Variants in SRPK2 observed in about 807,000 individuals in gnomAD.
SRPK2 encodes SFRS protein kinase 2.
SRPK2 carries 21 observed loss-of-function variants against 90.8 expected under a neutral mutation model. The observed-to-expected ratio is 0.23, with a 90% CI of 0.16 to 0.33. The LOEUF (loss-of-function observed/expected upper bound fraction) is 0.33. SRPK2 is among the 10% of genes least tolerant of loss of function. The probability of loss-of-function intolerance (pLI) is 1.00; values close to 1 mark genes in which losing one functional copy is unlikely to be tolerated. For missense variants in SRPK2, 620 were observed against 869.0 expected (o/e 0.71, Z 3.60); for synonymous variants, 288 against 311.1 (o/e 0.93, Z 0.78).
intron 6 of SRPK2, 25 bp downstream of exon 6, chr7:105,167,352 A>G (rs1790208548): frequency 5.7e-6 from 9 of 1,587,580 alleles, no homozygotes; most frequent in Non-Finnish European, 6.9e-6. Flanking sequence ...GTAAAAATAC[A>G]AATAAATCAG....
chr7:105,394,308 A>T (rs1406333687), upstream of SRPK2, among the ~76,000 whole-genome samples: 7 of 152,080 alleles, frequency 4.6e-5, no homozygotes, highest in East Asian at 1.2e-3. Context: ...ATGCCCAGCT[A>T]ATTTTTGTAT....
intron 2 of SRPK2, among the ~76,000 whole-genome samples, chr7:105,253,064 G>A (rs924795116): frequency 6.6e-6 from 1 of 152,098 alleles, no homozygotes; most frequent in South Asian, 2.1e-4. Flanking sequence ...CTTTAAGTTA[G>A]GATTTCTTTA....
At chr7:105,376,244 G>A (rs983275809) in intron 2 of SRPK2, among the ~76,000 whole-genome samples, 50 of 151,592 alleles carry the variant, frequency 3.3e-4, no homozygotes, top group African/African-American at 9.9e-4. Context: ...TGATCCGCCC[G>A]CCTTGGCCTC....
At chr7:105,256,724 C>G (rs1397239630) in intron 2 of SRPK2, among the ~76,000 whole-genome samples, 3 of 152,098 alleles carry the variant, frequency 2.0e-5, no homozygotes, top group Non-Finnish European at 4.4e-5. Flanking sequence ...AAAAAAATCA[C>G]AAGAGCAGGC....
downstream of SRPK2, chr7:105,115,131 C>T (rs1266178611): frequency 6.6e-6 from 1 of 152,064 alleles, no homozygotes; most frequent in Non-Finnish European, 1.5e-5. Flanking sequence ...CATTTTGATT[C>T]CTTGATGAAG....
At chr7:105,190,419 G>C (rs979301554) in intron 3 of SRPK2, among the ~76,000 whole-genome samples, 1 of 152,090 alleles carries the variant, frequency 6.6e-6, no homozygotes, top group African/African-American at 2.4e-5. Flanking sequence ...TTTCTTGTAC[G>C]TGTTCCTTTT....
intron 2 of SRPK2, among the ~76,000 whole-genome samples, chr7:105,355,974 G>A (rs1398305460): frequency 1.3e-5 from 2 of 152,122 alleles, no homozygotes; most frequent in African/African-American, 2.4e-5. Flanking sequence ...CCTGAAACTG[G>A]AAGGCAGAAG....
At chr7:105,389,321 TC>T (rs993748864), upstream of SRPK2, 11 of 1,280,742 alleles carry the variant, frequency 8.6e-6, no homozygotes, top group Non-Finnish European at 1.1e-5. Flanking sequence ...CCACCTCTCT[TC>T]CCGCGGCCTC....
In SRPK2 at chr7:105,116,522, CGAG is replaced by C. The variant is rs909201787; in HGVS notation, c.*1313_*1315del. ...AAATGTTAATGGACAAAGTCAAAAACGAGGCACCTTAATGAATGTAAAATTTAA... is the reference window on the plus strand; with the variant it reads ...AAATGTTAATGGACAAAGTCAAAAACGCACCTTAATGAATGTAAAATTTAA... On this transcript the variant is annotated 3_prime_UTR_variant, in exon 16 of 16. Coordinates refer to ENST00000393651, the MANE Select transcript of SRPK2 (RefSeq NM_182692.3). The C allele has an allele frequency of 6.6e-6, 1 of 152,486 alleles. No individual in the cohort carries two copies. Among genetic ancestry groups the C allele is most frequent in the Non-Finnish European group, 1.5e-5 (1 of 67,972 alleles). The allele number at this position is 152,486 out of a possible 1,614,324, so 9.4% of individuals were successfully genotyped here.
chr7:105,286,032 T>C (rs142869230), intron 2 of SRPK2, among the ~76,000 whole-genome samples: 1 of 152,344 alleles, frequency 6.6e-6, no homozygotes, highest in Non-Finnish European at 1.5e-5. Context: ...AGATAAATAC[T>C]ATCGCATTAT....
intron 11 of SRPK2, among the ~76,000 whole-genome samples, chr7:105,133,491 C>A (rs149633256): frequency 1.2e-4 from 18 of 152,272 alleles, no homozygotes; most frequent in South Asian, 2.1e-4. Context: ...TGCATTATTA[C>A]AAGGAACATG....
intron 2 of SRPK2, 79 bp from the exon 3 acceptor site, chr7:105,203,864 T>A: frequency 5.4e-6 from 8 of 1,490,092 alleles, no homozygotes; most frequent in African/African-American, 1.4e-5. Context: ...CTTCTTAATA[T>A]GGGGGAAAAA....
At chr7:105,224,984 C>G (rs1328144687) in intron 2 of SRPK2, among the ~76,000 whole-genome samples, 1 of 152,164 alleles carries the variant, frequency 6.6e-6, no homozygotes, top group East Asian at 1.9e-4. Context: ...ACTGAGCTTT[C>G]ATTAATCAGG....
intron 2 of SRPK2, among the ~76,000 whole-genome samples, chr7:105,338,549 GC>G (rs1815390209): frequency 6.6e-6 from 1 of 152,186 alleles, no homozygotes; most frequent in African/African-American, 2.4e-5. Flanking sequence ...AAGCCACTGT[GC>G]CCCGCAGATT....
At chr7:105,386,332 A>C (rs1381099879) in intron 2 of SRPK2, among the ~76,000 whole-genome samples, 3 of 138,436 alleles carry the variant, frequency 2.2e-5, no homozygotes, top group Admixed American at 7.2e-5. Context: ...AAAAAAAACA[A>C]CCTCTAACAC....
chr7:105,321,582 T>C (rs1812944877), intron 2 of SRPK2, among the ~76,000 whole-genome samples: 3 of 152,178 alleles, frequency 2.0e-5, no homozygotes, highest in Non-Finnish European at 4.4e-5. Flanking sequence ...AGGGATCTAG[T>C]ACCTGGAATA....
At position 105,232,575 on chromosome 7, in the gene SRPK2, G is replaced by A. The variant is rs527492723; in HGVS notation, c.72-28790C>T. Among the ~76,000 whole-genome samples the A allele has an allele frequency of 4.0e-5, 6 of 150,082 alleles. No homozygotes were observed. The South Asian group carries it at 8.5e-4, about 21-fold the overall frequency. ...GGATATTATCATTATTCAAACACTT[G>A]TAATCTAAGTCTCTAAAGTGAAAAG... On this transcript the variant is annotated intron_variant, in intron 2 of 15. Coordinates refer to ENST00000393651, the MANE Select transcript of SRPK2 (RefSeq NM_182692.3).
Position 105,268,677 on chromosome 7 carries a change from A to G in SRPK2, c.72-64892T>C, listed in dbSNP as rs1028402975. 3.1e-5 allele frequency: 33 copies of G among 1,074,546 alleles called. No individual in the cohort carries two copies. The African/African-American group carries it at 4.8e-4, about 16-fold the overall frequency. The allele number at this position is 1,074,546 out of a possible 1,614,324, so 66.6% of individuals were successfully genotyped here. On this transcript the variant is annotated intron_variant, in intron 2 of 15. Coordinates refer to ENST00000393651, the MANE Select transcript of SRPK2 (RefSeq NM_182692.3). ...CAGCTTGCCCCAATACACATCTTCA[A>G]TACAGCACAATACCAGCATGCAGGA...
At chr7:105,263,477 A>C (rs898928779) in intron 2 of SRPK2, among the ~76,000 whole-genome samples, 1 of 152,180 alleles carries the variant, frequency 6.6e-6, no homozygotes, top group African/African-American at 2.4e-5. Context: ...AACTACACAC[A>C]ACAATATGGA....
Sources: allele counts gnomAD v4.1 joint callset (sites outside exome capture counted in the v4.1 genomes callset), GRCh38; gene constraint gnomAD v4.1.1; transcripts MANE v1.5; gene names NCBI Gene and HGNC (gene_info 2026-07-23, HGNC 2026-07-21).